Variants in SLC39A14 observed in about 807,000 individuals in gnomAD.
The protein encoded by SLC39A14 is metal cation symporter ZIP14.
In SLC39A14, 19 loss-of-function variants were observed where a neutral mutation model predicts 45.5. The ratio of observed to expected loss-of-function variants is 0.42; its 90% CI spans 0.29 to 0.61. The LOEUF is 0.61. SLC39A14 is among the 20% of genes least tolerant of loss of function. SLC39A14 has a pLI of 0.22. For synonymous variants in SLC39A14, 264 were observed against 251.3 expected (o/e 1.05, Z -0.48); for missense variants, 447 against 616.5 (o/e 0.73, Z 2.91).
intron 1 of SLC39A14, among the ~76,000 whole-genome samples, chr8:22,396,833 T>C (rs1834515793): frequency 6.6e-6 from 1 of 152,012 alleles, no homozygotes; most frequent in Admixed American, 6.6e-5. Flanking sequence ...GTCATTCATT[T>C]GGTTTGTCAG....
At chr8:22,369,392 T>C (rs976925936) in intron 1 of SLC39A14, among the ~76,000 whole-genome samples, 6 of 152,220 alleles carry the variant, frequency 3.9e-5, no homozygotes, top group African/African-American at 1.4e-4. Context: ...AGCTGCATCA[T>C]TGGCCTTGTA....
At chr8:22,376,752 C>A (rs1452842510) in intron 1 of SLC39A14, among the ~76,000 whole-genome samples, 2 of 152,032 alleles carry the variant, frequency 1.3e-5, no homozygotes, top group Non-Finnish European at 2.9e-5. Context: ...GTGACATGCA[C>A]CTGTAATTGC....
At position 22,406,402 on chromosome 8, in the gene SLC39A14, G is replaced by T. The variant is rs535660262; in HGVS notation, c.270+1422G>T. Among the ~76,000 whole-genome samples, 5 of 151,088 alleles carry T rather than the reference G, an allele frequency of 3.3e-5. No individual in the cohort carries two copies. The East Asian group carries it at 9.8e-4, about 30-fold the overall frequency. ...AGGTGGAGGCCTCAAAAGTTGGGGG[G>T]GAGGAGCGGGGCCGGGCGCGGTGGC... On this transcript the variant is annotated intron_variant, in intron 2 of 8. Coordinates refer to ENST00000381237, the MANE Select transcript of SLC39A14 (RefSeq NM_001128431.4).
At position 22,417,534 on chromosome 8, in the gene SLC39A14, G is replaced by A. The variant is rs539083808; in HGVS notation, c.1148-117G>A. ...CGCCAGGCTGGATTCAAACTCCTGA[G>A]CTCAAACAGTCCTCCCAGCTGAGCC... On this transcript the variant is annotated intron_variant, in intron 7 of 8. Transcript: ENST00000381237. 31 of 857,702 alleles carry A rather than the reference G, an allele frequency of 3.6e-5. No individual in the cohort carries two copies. The Admixed American group carries it at 5.4e-4, about 15-fold the overall frequency. 53.1% of individuals were successfully genotyped at this position (857,702 alleles called of 1,614,324 possible). A position where few individuals can be genotyped will look rare whatever the true frequency, so the allele number is the denominator to read the frequency against.
chr8:22,401,551 T>TC (rs1834864264), intron 1 of SLC39A14, among the ~76,000 whole-genome samples: 2 of 138,360 alleles, frequency 1.4e-5, no homozygotes, highest in African/African-American at 5.4e-5. Context: ...TTCTTTTTTT[T>TC]TTTTTTTTTT....
intron 4 of SLC39A14, among the ~76,000 whole-genome samples, chr8:22,414,171 C>G (rs1002835373): frequency 6.6e-6 from 1 of 152,188 alleles, no homozygotes. Flanking sequence ...GGATTCTCCC[C>G]TCCCTCTTTG....
downstream of SLC39A14, among the ~76,000 whole-genome samples, chr8:22,422,958 G>C (rs1323377016): frequency 6.6e-6 from 1 of 151,772 alleles, no homozygotes; most frequent in East Asian, 1.9e-4. Context: ...CGAGTAGCTG[G>C]GATTACAGGT....
intron 1 of SLC39A14, among the ~76,000 whole-genome samples, chr8:22,391,666 G>A (rs1442513263): frequency 6.6e-6 from 1 of 152,020 alleles, no homozygotes. Context: ...TGTCTCCCGG[G>A]TTCAAGCAAT....
intron 2 of SLC39A14, 94 bp downstream of exon 2, chr8:22,405,074 T>A: frequency 8.5e-7 from 1 of 1,181,438 alleles, no homozygotes; most frequent in Non-Finnish European, 1.2e-6. Context: ...GCCTGGCAGC[T>A]TGGCAGAGGT....
chr8:22,368,334 T>C (rs552293500), intron 1 of SLC39A14, among the ~76,000 whole-genome samples: 165 of 152,226 alleles, frequency 1.1e-3, no homozygotes, highest in Non-Finnish European at 1.8e-3. Context: ...GGGACGGCTG[T>C]GCTCCTGCTG....
rs764834663 is a variant in SLC39A14, at chr8:22,404,859, G to A, written c.149G>A (p.Arg50Gln). The change falls in exon 2 of 9, where the codon CGG becomes CAG. Residue 50 changes from arginine to glutamine, a missense_variant. Arg to Gln is a conservative substitution (Grantham distance 43). This residue lies in a region of SLC39A14 where 342 missense variants were observed against 428.1 expected (regional missense o/e 0.80). Coordinates refer to ENST00000381237, the MANE Select transcript of SLC39A14 (RefSeq NM_001128431.4). ...TCCTTCCTGCAGGATCTAATACATC[G>A]GTATGGCGAGGGTGACAGCCTCACT... ...AASFLQDLIHRYGEGDSLTLQ... is the reference protein window; with the variant it reads ...AASFLQDLIHQYGEGDSLTLQ... 25 of 1,614,144 alleles carry A rather than the reference G, an allele frequency of 1.5e-5. No homozygotes were observed. The Middle Eastern group carries it at 1.2e-3, about 75-fold the overall frequency.
At chr8:22,377,000 T>C (rs1327682999) in intron 1 of SLC39A14, among the ~76,000 whole-genome samples, 1 of 152,210 alleles carries the variant, frequency 6.6e-6, no homozygotes, top group Non-Finnish European at 1.5e-5. Flanking sequence ...CCCCTAATTT[T>C]AGCACCCATC....
At chr8:22,432,997 C>A (rs970128436) in intron 8 of SLC39A14, among the ~76,000 whole-genome samples, 1 of 151,772 alleles carries the variant, frequency 6.6e-6, no homozygotes, top group Middle Eastern at 3.4e-3. Context: ...GATGGGGTCT[C>A]CCTATGTCAT....
At chr8:22,388,289 C>T (rs765826648) in intron 1 of SLC39A14, among the ~76,000 whole-genome samples, 1 of 152,112 alleles carries the variant, frequency 6.6e-6, no homozygotes, top group African/African-American at 2.4e-5. Context: ...GCCCTTCACA[C>T]CTTGTGGAGA....
chr8:22,418,103 A>C (rs1414468104), intron 8 of SLC39A14, among the ~76,000 whole-genome samples: 1 of 152,108 alleles, frequency 6.6e-6, no homozygotes, highest in African/African-American at 2.4e-5. Context: ...GGGTTTCCCC[A>C]TATTGGCCAG....
intron 1 of SLC39A14, among the ~76,000 whole-genome samples, chr8:22,371,215 A>G (rs1350972866): frequency 2.0e-5 from 3 of 151,928 alleles, no homozygotes; most frequent in South Asian, 4.1e-4. Context: ...GCAACTGGAG[A>G]TCGGACTGTT....
At position 22,390,654 on chromosome 8, in the gene SLC39A14, A is replaced by G. The variant is rs553718955; in HGVS notation, c.-15-14042A>G. On this transcript the variant is annotated intron_variant, in intron 1 of 8. Transcript: ENST00000381237. ...TCTCCTCTTCCCCTTTGTGTTCGTC[A>G]TTTGGTCAAATTGCTGGAAGATGGT... The G allele has an allele frequency of 1.8e-5, 3 of 171,414 alleles. No homozygotes were observed. The South Asian group carries it at 4.1e-4, about 24-fold the overall frequency. 10.6% of individuals were successfully genotyped at this position (171,414 alleles called of 1,614,324 possible). A position where few individuals can be genotyped will look rare whatever the true frequency, so the allele number is the denominator to read the frequency against.
downstream of SLC39A14, among the ~76,000 whole-genome samples, chr8:22,423,012 T>C (rs1836309709): frequency 1.3e-5 from 2 of 151,532 alleles, no homozygotes; most frequent in East Asian, 2.0e-4. Context: ...TTAGTAGAGA[T>C]GGGGTTTCGC....
At chr8:22,389,691 G>A (rs1833967884) in intron 1 of SLC39A14, among the ~76,000 whole-genome samples, 1 of 152,134 alleles carries the variant, frequency 6.6e-6, no homozygotes, top group Non-Finnish European at 1.5e-5. Context: ...GGCTTAGGGG[G>A]GCTATCAGTC....
Sources: gnomAD v4.1 joint callset for allele counts (sites outside exome capture counted in the v4.1 genomes callset) on GRCh38, gnomAD v4.1.1 for gene constraint, gnomAD v4.1.1 regional missense constraint, MANE v1.5 for transcripts, NCBI Gene and HGNC (gene_info 2026-07-23, HGNC 2026-07-21) for gene names.